TENM2: variants seen among roughly 807,000 people sequenced by gnomAD.
TENM2 encodes teneurin-2.
A neutral mutation model predicts 245.2 loss-of-function variants in TENM2; 52 were observed. That is an observed-to-expected ratio of 0.21 (90% CI 0.17 to 0.27). TENM2 has a LOEUF of 0.27. TENM2 is among the 10% of genes least tolerant of loss of function. The pLI is 1.00. For missense variants in TENM2, 3,046 were observed against 3,666.8 expected (o/e 0.83, Z 4.37); for synonymous variants, 1,363 against 1,438.9 (o/e 0.95, Z 1.19).
chr5:167,509,493 CTTAA>C (rs918520448), intron 2 of TENM2, among the ~76,000 whole-genome samples: 46 of 152,124 alleles, frequency 3.0e-4, no homozygotes, highest in African/African-American at 8.0e-4. Context: ...TTAATCGACA[CTTAA>C]TTAATGCGTT....
chr5:167,357,810 C>A (rs1759443445), intron 1 of TENM2, among the ~76,000 whole-genome samples: 2 of 152,158 alleles, frequency 1.3e-5, no homozygotes, highest in African/African-American at 4.8e-5. Context: ...TGCATTCTCT[C>A]ACTCTTCCAG....
the TENM2 span, among the ~76,000 whole-genome samples, chr5:167,250,134 T>A: frequency 6.6e-6 from 1 of 152,106 alleles, no homozygotes; most frequent in Non-Finnish European, 1.5e-5. Context: ...ACTTCTCAGA[T>A]TCACAACAGG....
At chr5:167,506,248 C>T (rs1381731663) in intron 2 of TENM2, among the ~76,000 whole-genome samples, 5 of 151,998 alleles carry the variant, frequency 3.3e-5, no homozygotes, top group Non-Finnish European at 4.4e-5. Context: ...TTTTAGAACC[C>T]ATATGCAATA....
chr5:167,622,811 C>A (rs1778260371), intron 2 of TENM2, among the ~76,000 whole-genome samples: 1 of 152,052 alleles, frequency 6.6e-6, no homozygotes, highest in Non-Finnish European at 1.5e-5. Context: ...AAGAGGAGAC[C>A]AGGAGGGTGG....
chr5:167,076,472 T>G, the TENM2 span, among the ~76,000 whole-genome samples: 2 of 152,148 alleles, frequency 1.3e-5, no homozygotes, highest in Non-Finnish European at 2.9e-5. Context: ...TAGGGAGAAG[T>G]TTGAAGAAAA....
chr5:168,210,466 G>A (rs1383738500), intron 19 of TENM2, among the ~76,000 whole-genome samples: 2 of 152,106 alleles, frequency 1.3e-5, no homozygotes, highest in Non-Finnish European at 2.9e-5. Flanking sequence ...ACCACTGGTG[G>A]CAGATAACAT....
chr5:167,645,567 A>T (rs567186873), intron 2 of TENM2, among the ~76,000 whole-genome samples: 1 of 150,942 alleles, frequency 6.6e-6, no homozygotes, highest in Non-Finnish European at 1.5e-5. Context: ...GAAAGCAGAG[A>T]ATTTGTTCTT....
chr5:167,074,658 AC>A, the TENM2 span, among the ~76,000 whole-genome samples: 1 of 152,230 alleles, frequency 6.6e-6, no homozygotes, highest in Non-Finnish European at 1.5e-5. Context: ...CGTCCAAGCA[AC>A]ATGTTTTAAA....
chr5:167,904,660 T>G (rs888697004), intron 3 of TENM2, among the ~76,000 whole-genome samples: 1 of 152,202 alleles, frequency 6.6e-6, no homozygotes, highest in Non-Finnish European at 1.5e-5. Flanking sequence ...TTATTTATTT[T>G]TTCTCATTTC....
chr5:167,968,818 C>A (rs1014767689), intron 4 of TENM2, among the ~76,000 whole-genome samples: 3 of 152,120 alleles, frequency 2.0e-5, no homozygotes, highest in Non-Finnish European at 4.4e-5. Context: ...CTAAGGAGCT[C>A]TACTCTCCCC....
intron 2 of TENM2, among the ~76,000 whole-genome samples, chr5:167,427,387 A>G (rs193262102): frequency 6.6e-6 from 1 of 151,992 alleles, no homozygotes; most frequent in East Asian, 1.9e-4. Flanking sequence ...CAGGAGGTGG[A>G]TAGTCCAGTG....
chr5:167,256,591 A>C, the TENM2 span, among the ~76,000 whole-genome samples: 1 of 152,174 alleles, frequency 6.6e-6, no homozygotes, highest in Non-Finnish European at 1.5e-5. Flanking sequence ...CCATTAGTAA[A>C]GCATAATATA....
chr5:167,013,587 G>C, the TENM2 span, among the ~76,000 whole-genome samples: 1 of 152,040 alleles, frequency 6.6e-6, no homozygotes, highest in South Asian at 2.1e-4. Flanking sequence ...CATGCCTGTA[G>C]TCCCAGCTAC....
the TENM2 span, among the ~76,000 whole-genome samples, chr5:167,195,105 G>A: frequency 6.6e-6 from 1 of 152,022 alleles, no homozygotes; most frequent in Non-Finnish European, 1.5e-5. Flanking sequence ...TAGGATGTGT[G>A]GAAGAAAGCG....
chr5:167,996,983 C>A (rs781614314), intron 5 of TENM2, among the ~76,000 whole-genome samples: 30 of 152,136 alleles, frequency 2.0e-4, no homozygotes, highest in Non-Finnish European at 4.0e-4. Flanking sequence ...AAGTCATCTA[C>A]CCACCTCAGC....
chr5:167,139,184 C>G, the TENM2 span, among the ~76,000 whole-genome samples: 8 of 152,198 alleles, frequency 5.3e-5, no homozygotes, highest in African/African-American at 1.9e-4. Context: ...AAGAACTGTA[C>G]ACGTATGGCC....
At chr5:167,999,341 G>C (rs1370512119) in intron 5 of TENM2, among the ~76,000 whole-genome samples, 4 of 152,184 alleles carry the variant, frequency 2.6e-5, no homozygotes, top group African/African-American at 9.7e-5. Context: ...GTAAGTCAGG[G>C]GACCCAGTCA....
chr5:167,908,352 C>G (rs1776268472), intron 3 of TENM2, among the ~76,000 whole-genome samples: 1 of 114,502 alleles, frequency 8.7e-6, no homozygotes, highest in African/African-American at 3.3e-5. Flanking sequence ...CCCCTCTCCT[C>G]CCCTCCCCCC....
intron 2 of TENM2, among the ~76,000 whole-genome samples, chr5:167,767,849 TG>T (rs1020875759): frequency 1.3e-5 from 2 of 152,236 alleles, no homozygotes; most frequent in African/African-American, 4.8e-5. Context: ...TCCCTTTGAC[TG>T]GCAGATGTGT....
Sources: gnomAD v4.1 joint callset for allele counts (sites outside exome capture counted in the v4.1 genomes callset) on GRCh38, gnomAD v4.1.1 for gene constraint, MANE v1.5 for transcripts, NCBI Gene and HGNC (gene_info 2026-07-23, HGNC 2026-07-21) for gene names.